Variants in KPNA1 observed in about 807,000 individuals in gnomAD.
KPNA1 encodes the protein importin subunit alpha-5.
KPNA1 carries 10 observed loss-of-function variants against 70.5 expected under a neutral mutation model. The ratio of observed to expected loss-of-function variants is 0.14; its 90% CI spans 0.09 to 0.24. The LOEUF is 0.24. Ranked by LOEUF, KPNA1 falls within the 10% of genes least tolerant of loss-of-function variation. The pLI is 1.00. For synonymous variants in KPNA1, 192 were observed against 221.9 expected (o/e 0.87, Z 1.20); for missense variants, 397 against 637.9 (o/e 0.62, Z 4.07).
chr3:122,486,809 G>A (rs1003927894), intron 2 of KPNA1, among the ~76,000 whole-genome samples: 1 of 151,980 alleles, frequency 6.6e-6, no homozygotes, highest in Admixed American at 6.6e-5. Context: ...GGATGGTCTT[G>A]ATCTCCTGAC....
intron 12 of KPNA1, among the ~76,000 whole-genome samples, chr3:122,430,709 TAACAG>T (rs2075893338): frequency 6.6e-6 from 1 of 152,186 alleles, no homozygotes. Context: ...AACTGATCTT[TAACAG>T]AATAGCAAAG....
intron 1 of KPNA1, among the ~76,000 whole-genome samples, chr3:122,503,089 A>C (rs1248711669): frequency 6.6e-6 from 1 of 152,142 alleles, no homozygotes; most frequent in Non-Finnish European, 1.5e-5. Context: ...AAACAAAAAA[A>C]AAGATTCGTT....
At chr3:122,498,535 T>C (rs1031277383) in intron 1 of KPNA1, among the ~76,000 whole-genome samples, 26 of 152,204 alleles carry the variant, frequency 1.7e-4, no homozygotes, top group African/African-American at 6.0e-4. Context: ...TGACAGCACC[T>C]TGCTGACAAC....
intron 5 of KPNA1, chr3:122,460,649 A>G (rs887548549): frequency 7.3e-4 from 242 of 330,204 alleles, no homozygotes; most frequent in Non-Finnish European, 9.5e-4. Context: ...GAAAAAGAAG[A>G]AAAAAAAAAA....
In KPNA1 at chr3:122,466,768, G is replaced by A. The variant is rs1476315046; in HGVS notation, c.237+554C>T. 2.6e-5 allele frequency among the ~76,000 whole-genome samples: 4 copies of A among 152,114 alleles called. No homozygotes were observed. In the East Asian group the frequency reaches 7.7e-4, roughly 29 times the overall value. On this transcript the variant is annotated intron_variant, in intron 3 of 13. Coordinates refer to ENST00000344337, the MANE Select transcript of KPNA1 (RefSeq NM_002264.4). ...CAAGCTTGTAATTCTAGCACTTTGG[G>A]AGGCCAAGGCAAAAGGATCACTTGA...
chr3:122,496,650 A>G, intron 1 of KPNA1, 80 bp from the exon 2 acceptor site: 1 of 1,305,828 alleles, frequency 7.7e-7, no homozygotes, highest in Non-Finnish European at 1.1e-6. Flanking sequence ...TTTTAAACAT[A>G]TACATGCCCA....
At chr3:122,467,789 C>T (rs771873204) in intron 2 of KPNA1, among the ~76,000 whole-genome samples, 2 of 151,958 alleles carry the variant, frequency 1.3e-5, no homozygotes, top group Admixed American at 1.3e-4. Flanking sequence ...AACAATGTAC[C>T]AAGGAAAATG....
intron 1 of KPNA1, among the ~76,000 whole-genome samples, chr3:122,503,258 T>C (rs1415702910): frequency 6.6e-6 from 1 of 150,794 alleles, no homozygotes; most frequent in Non-Finnish European, 1.5e-5. Flanking sequence ...CATGCATACA[T>C]ATATATATAT....
Position 122,423,008 on chromosome 3 carries a change from T to C in KPNA1, c.*3977A>G, listed in dbSNP as rs1164029811. 6.6e-6 allele frequency: 1 copy of C among 152,256 alleles called. No homozygotes were observed. Among genetic ancestry groups the C allele is most frequent in the Non-Finnish European group, 1.5e-5 (1 of 68,048 alleles). The allele number at this position is 152,256 out of a possible 1,614,324, so 9.4% of individuals were successfully genotyped here. On this transcript the variant is annotated 3_prime_UTR_variant, in exon 14 of 14. Transcript: ENST00000344337. ...ATATTTGCTTTATCAGATATTCTGA[T>C]GTCCTGGTATCCATTGTTATAACCT...
chr3:122,495,633 T>C (rs2076750425), intron 2 of KPNA1, among the ~76,000 whole-genome samples: 1 of 151,674 alleles, frequency 6.6e-6, no homozygotes. Flanking sequence ...GAATATCTTA[T>C]TTCTCAAGCA....
chr3:122,469,346 T>C (rs751838126), intron 2 of KPNA1, among the ~76,000 whole-genome samples: 22 of 152,118 alleles, frequency 1.4e-4, no homozygotes, highest in Non-Finnish European at 2.4e-4. Context: ...ATAAGGGTAA[T>C]CACCTCAGCA....
chr3:122,501,378 C>T (rs992556006), intron 1 of KPNA1, among the ~76,000 whole-genome samples: 1 of 152,078 alleles, frequency 6.6e-6, no homozygotes, highest in African/African-American at 2.4e-5. Context: ...TTAAGCACTG[C>T]TTTAGCTGTA....
chr3:122,504,972 A>G (rs1045329997), intron 1 of KPNA1, among the ~76,000 whole-genome samples: 1 of 151,958 alleles, frequency 6.6e-6, no homozygotes, highest in Admixed American at 6.6e-5. Context: ...ATGTGTCTGA[A>G]GCAGACAGAC....
At chr3:122,459,288 T>C (rs2076296811) in intron 5 of KPNA1, among the ~76,000 whole-genome samples, 1 of 152,176 alleles carries the variant, frequency 6.6e-6, no homozygotes, top group Non-Finnish European at 1.5e-5. Context: ...ATCTGAAAGG[T>C]TATATACCAT....
chr3:122,487,034 G>A (rs543179065), intron 2 of KPNA1, among the ~76,000 whole-genome samples: 76 of 152,230 alleles, frequency 5.0e-4, no homozygotes, highest in African/African-American at 6.7e-4. Flanking sequence ...ACCTTCCAGC[G>A]AATAAAAGCA....
intron 2 of KPNA1, among the ~76,000 whole-genome samples, chr3:122,489,064 G>GTA: frequency 6.8e-6 from 1 of 146,706 alleles, no homozygotes; most frequent in South Asian, 2.2e-4. Flanking sequence ...GTGCGTGTGT[G>GTA]TGTGTGTGTG....
Position 122,422,231 on chromosome 3 carries a change from C to G in KPNA1, c.*4754G>C, listed in dbSNP as rs773623475. On this transcript the variant is annotated 3_prime_UTR_variant, in exon 14 of 14. Coordinates refer to ENST00000344337, the MANE Select transcript of KPNA1 (RefSeq NM_002264.4). The stretch of plus-strand genomic sequence containing the variant: ...AAATTCGCATCCATGGCACTGCTTC[C>G]TGAGGCAGTAATTCTTCAAAGCCTT... The G allele has an allele frequency of 6.6e-6, 1 of 151,812 alleles. No individual in the cohort carries two copies. Among genetic ancestry groups the G allele is most frequent in the Non-Finnish European group, 1.5e-5 (1 of 68,010 alleles). 9.4% of individuals were successfully genotyped at this position (151,812 alleles called of 1,614,324 possible).
intron 1 of KPNA1, among the ~76,000 whole-genome samples, chr3:122,507,657 C>G (rs2076905551): frequency 3.3e-5 from 5 of 151,572 alleles, no homozygotes; most frequent in Admixed American, 2.6e-4. Flanking sequence ...ATTTTTTCAA[C>G]TGAGTATGCT....
In KPNA1 at chr3:122,452,076, T is replaced by C. The variant is rs1203006699; in HGVS notation, c.565-12A>G. ...AGAGCCCAGACTGCCTGTGAAAGAA[T>C]CATTCATTAATAAAGGTTACATAGT... On this transcript the variant is annotated splice_polypyrimidine_tract_variant and intron_variant, in intron 6 of 13. Coordinates refer to ENST00000344337, the MANE Select transcript of KPNA1 (RefSeq NM_002264.4). The C allele has an allele frequency of 1.9e-6, 3 of 1,559,440 alleles. No individual in the cohort carries two copies. The highest frequency in any genetic ancestry group is 2.2e-5 in the East Asian group (1 of 44,576).
Sources: gnomAD v4.1 joint callset for allele counts (sites outside exome capture counted in the v4.1 genomes callset) on GRCh38, gnomAD v4.1.1 for gene constraint, MANE v1.5 for transcripts, NCBI Gene and HGNC (gene_info 2026-07-23, HGNC 2026-07-21) for gene names.